The following SLC9B2 variants were observed in gnomAD, a reference collection of about 807,000 sequenced individuals.
SLC9B2 encodes the protein solute carrier family 9 member B2.
Under a neutral mutation model 52.2 loss-of-function variants are expected in SLC9B2, and 39 were observed. The observed-to-expected ratio is 0.75, with a 90% CI of 0.58 to 0.98. SLC9B2 has a LOEUF of 0.98. Ranked by LOEUF, SLC9B2 falls within the 50% of genes least tolerant of loss-of-function variation. The probability of loss-of-function intolerance (pLI) is 0.00; values close to 1 mark genes in which losing one functional copy is unlikely to be tolerated. For missense variants in SLC9B2, 626 were observed against 637.5 expected (o/e 0.98, Z 0.19); for synonymous variants, 214 against 227.0 (o/e 0.94, Z 0.51).
chr4:103,042,563 T>C (rs934967031), intron 9 of SLC9B2, among the ~76,000 whole-genome samples: 3 of 151,532 alleles, frequency 2.0e-5, no homozygotes, highest in East Asian at 3.9e-4. Context: ...ATGATTAGCA[T>C]TGCCCATAAA....
At chr4:103,061,744 AC>A (rs1227219765) in intron 3 of SLC9B2, among the ~76,000 whole-genome samples, 80 of 152,334 alleles carry the variant, frequency 5.3e-4, no homozygotes, top group African/African-American at 1.9e-3. Flanking sequence ...TCTGCTACTT[AC>A]ACTTTGGTTT....
chr4:103,073,450 C>T (rs748178745), intron 1 of SLC9B2, among the ~76,000 whole-genome samples: 2 of 152,130 alleles, frequency 1.3e-5, no homozygotes, highest in Non-Finnish European at 2.9e-5. Flanking sequence ...AAAAGGAGCC[C>T]TACCCAGCAA....
At chr4:103,054,253 C>T (rs7664088) in intron 4 of SLC9B2, among the ~76,000 whole-genome samples, 1 of 152,090 alleles carries the variant, frequency 6.6e-6, no homozygotes, top group Non-Finnish European at 1.5e-5. Context: ...GCGCTCCACC[C>T]TGGGCAAATG....
chr4:103,049,158 A>C (rs948328581), intron 5 of SLC9B2, 138 bp from the exon 6 acceptor site: 1 of 951,948 alleles, frequency 1.1e-6, no homozygotes, highest in African/African-American at 1.7e-5. Context: ...TATTTAACAA[A>C]CATTTTAGCA....
Position 103,057,346 on chromosome 4 carries a change from T to C in SLC9B2, c.442+455A>G, listed in dbSNP as rs149182662. 2.3e-3 allele frequency among the ~76,000 whole-genome samples: 350 copies of C among 151,942 alleles called. 1 individual carries two copies. Among genetic ancestry groups the C allele is most frequent in the African/African-American group, 7.9e-3 (326 of 41,434 alleles). On this transcript the variant is annotated intron_variant, in intron 4 of 11. Transcript: ENST00000394785. ...CATATTTTGAGACAAGGTCTCATTC[T>C]GTTGCCCAGATTGGAGTGTAATGGT...
intron 10 of SLC9B2, among the ~76,000 whole-genome samples, chr4:103,030,697 TGTA>T (rs1369061805): frequency 1.3e-5 from 2 of 152,048 alleles, no homozygotes; most frequent in African/African-American, 4.8e-5. Context: ...TTATTTTAAT[TGTA>T]GTAAAATACA....
chr4:103,054,354 A>T (rs1744944126), intron 4 of SLC9B2, among the ~76,000 whole-genome samples: 2 of 152,230 alleles, frequency 1.3e-5, no homozygotes, highest in African/African-American at 4.8e-5. Context: ...CTTGCTACAT[A>T]AAATGCGATC....
At chr4:103,054,440 G>A (rs1250539040) in intron 4 of SLC9B2, among the ~76,000 whole-genome samples, 1 of 152,128 alleles carries the variant, frequency 6.6e-6, no homozygotes, top group Non-Finnish European at 1.5e-5. Flanking sequence ...AAATTCCAAG[G>A]TCATCCTCTT....
chr4:103,032,719 C>T (rs1742812914), intron 9 of SLC9B2, among the ~76,000 whole-genome samples: 1 of 152,138 alleles, frequency 6.6e-6, no homozygotes. Context: ...CATTCCCTAG[C>T]ATACCCCTGG....
intron 1 of SLC9B2, 58 bp from the exon 2 acceptor site, chr4:103,067,650 A>G: frequency 1.1e-6 from 1 of 951,396 alleles, no homozygotes; most frequent in Non-Finnish European, 1.7e-6. Context: ...GATTTCAAAG[A>G]CTTTGGATTG....
intron 3 of SLC9B2, among the ~76,000 whole-genome samples, chr4:103,064,350 T>C (rs536896131): frequency 6.6e-6 from 1 of 152,316 alleles, no homozygotes; most frequent in South Asian, 2.1e-4. Context: ...TGCAACAACA[T>C]GGATGAACCT....
chr4:103,028,758 C>G lies in SLC9B2; in HGVS notation c.1381G>C (p.Ala461Pro). ...CCTATCCATCATACCTGAACTGTGG[C>G]CTTTGGAAGCCATGCAAAAGAAATA... Reference protein sequence around the residue: ...IFISFAWLPKATVQAAIGSVA... With the variant: ...IFISFAWLPKPTVQAAIGSVA... Residue 461 changes from alanine to proline, a missense_variant, in exon 11 of 12, where the codon GCC becomes CCC. Coordinates refer to ENST00000394785, the MANE Select transcript of SLC9B2 (RefSeq NM_178833.7). 1 of 1,607,686 alleles carries G rather than the reference C, an allele frequency of 6.2e-7. No individual in the cohort carries two copies. The highest frequency in any genetic ancestry group is 8.5e-7 in the Non-Finnish European group (1 of 1,177,918).
chr4:103,071,122 G>T (rs1746581020), intron 1 of SLC9B2, among the ~76,000 whole-genome samples: 1 of 151,824 alleles, frequency 6.6e-6, no homozygotes, highest in Non-Finnish European at 1.5e-5. Flanking sequence ...GGAGTGGCTG[G>T]ACTTTCTTTC....
chr4:103,023,622 T>C lies in SLC9B2; in HGVS notation c.*2748A>G, dbSNP rs112382833. 8.1e-4 allele frequency among the ~76,000 whole-genome samples: 124 copies of C among 152,294 alleles called. 2 individuals are homozygous for C. The highest frequency in any genetic ancestry group is 2.9e-3 in the African/African-American group (121 of 41,554). On this transcript the variant is annotated 3_prime_UTR_variant, in exon 12 of 12. Coordinates refer to ENST00000394785, the MANE Select transcript of SLC9B2 (RefSeq NM_178833.7). ...AATTCCTACAAAGAGCTTCCAGGAA[T>C]AGGCACAAATTTCAGAGATCCAATA...
chr4:103,063,362 T>C (rs1159329746), intron 3 of SLC9B2, among the ~76,000 whole-genome samples: 1 of 152,300 alleles, frequency 6.6e-6, no homozygotes, highest in East Asian at 1.9e-4. Context: ...ATCTAGAGCC[T>C]AAAGTATAGT....
At chr4:103,040,000 G>A (rs1743501633) in intron 9 of SLC9B2, among the ~76,000 whole-genome samples, 2 of 151,970 alleles carry the variant, frequency 1.3e-5, no homozygotes, top group South Asian at 4.2e-4. Context: ...CCTTATTTTT[G>A]ACCTTCGCAA....
chr4:103,020,022 T>C (rs1741675887), downstream of SLC9B2: 6 of 691,382 alleles, frequency 8.7e-6, no homozygotes, highest in South Asian at 3.1e-4. Context: ...AGTGCAATGG[T>C]AGAAGAGCAC....
Position 103,057,841 on chromosome 4 carries a change from A to G in SLC9B2, c.402T>C (p.Leu134=), listed in dbSNP as rs753282087. The G allele has an allele frequency of 6.2e-7, 1 of 1,613,850 alleles. No individual in the cohort carries two copies. Among genetic ancestry groups the G allele is most frequent in the Non-Finnish European group, 8.5e-7 (1 of 1,179,974 alleles). The change falls in exon 4 of 12, where the codon CTT becomes CTC. Residue 134 remains leucine, a synonymous_variant. Coordinates refer to ENST00000394785, the MANE Select transcript of SLC9B2 (RefSeq NM_178833.7). ...GTGGAGGCAATGTAGGTAACTTAAT[A>G]AGCCCCAAAAGTTTACCACCAATGA... The part of the protein sequence containing the change: ...CAIIGGKLLG[L]IKLPTLPPLP...
At chr4:103,064,443 A>T (rs1241634560) in intron 3 of SLC9B2, among the ~76,000 whole-genome samples, 1 of 152,190 alleles carries the variant, frequency 6.6e-6, no homozygotes, top group Non-Finnish European at 1.5e-5. Context: ...AATCTAAAAC[A>T]GTTGTTCATA....
Sources: allele counts gnomAD v4.1 joint callset (sites outside exome capture counted in the v4.1 genomes callset), GRCh38; gene constraint gnomAD v4.1.1; transcripts MANE v1.5; gene names NCBI Gene and HGNC (gene_info 2026-07-23, HGNC 2026-07-21).